The following GPC6 variants were observed in gnomAD, a reference collection of about 807,000 sequenced individuals.
GPC6 encodes glypican 6.
In GPC6, 14 loss-of-function variants were observed where a neutral mutation model predicts 55.2. The ratio of observed to expected loss-of-function variants is 0.25; its 90% confidence interval spans 0.17 to 0.40. GPC6 has a LOEUF of 0.40. GPC6 is among the 10% of genes least tolerant of loss of function. The probability of loss-of-function intolerance (pLI) is 1.00; values close to 1 mark genes in which losing one functional copy is unlikely to be tolerated. For missense variants in GPC6, 641 were observed against 708.5 expected (o/e 0.90, Z 1.08); for synonymous variants, 278 against 259.6 (o/e 1.07, Z -0.68).
At chr13:93,383,639 T>C (rs907593971) in intron 1 of GPC6, among the ~76,000 whole-genome samples, 2 of 152,198 alleles carry the variant, frequency 1.3e-5, no homozygotes, top group African/African-American at 4.8e-5. Context: ...TTTAAAGCTA[T>C]TTTTGGATAG....
chr13:94,279,604 A>G (rs1892313826), intron 4 of GPC6, among the ~76,000 whole-genome samples: 1 of 151,716 alleles, frequency 6.6e-6, no homozygotes, highest in Non-Finnish European at 1.5e-5. Context: ...CCCTCTTAAC[A>G]CTGCTTTAGG....
At chr13:93,632,125 T>C (rs1246307550) in intron 2 of GPC6, among the ~76,000 whole-genome samples, 1 of 152,192 alleles carries the variant, frequency 6.6e-6, no homozygotes, top group Non-Finnish European at 1.5e-5. Context: ...AAAGAAGGTA[T>C]TATAAAGTTT....
intron 3 of GPC6, among the ~76,000 whole-genome samples, chr13:93,881,660 A>G (rs1193335497): frequency 2.0e-5 from 3 of 152,080 alleles, no homozygotes; most frequent in Non-Finnish European, 2.9e-5. Context: ...TCACCCATGC[A>G]TATGTAATAC....
intron 1 of GPC6, among the ~76,000 whole-genome samples, chr13:93,461,737 G>A (rs1427700627): frequency 6.6e-6 from 1 of 152,024 alleles, no homozygotes; most frequent in African/African-American, 2.4e-5. Flanking sequence ...TTTGTTACCA[G>A]CCTATTGTTC....
At chr13:93,950,393 A>G (rs1223529146) in intron 3 of GPC6, among the ~76,000 whole-genome samples, 1 of 152,232 alleles carries the variant, frequency 6.6e-6, no homozygotes, top group Admixed American at 6.5e-5. Context: ...ATAAACAAGT[A>G]TAAAAGCTAA....
At chr13:93,688,452 G>A (rs539086226) in intron 2 of GPC6, among the ~76,000 whole-genome samples, 7 of 152,176 alleles carry the variant, frequency 4.6e-5, no homozygotes, top group South Asian at 4.1e-4. Flanking sequence ...AAAGCAGAGC[G>A]TTAGATATGT....
rs1402402524 is a variant in GPC6 at position 93,785,250 on chromosome 13, T to G, written c.320-44904T>G. ...TATCCAGACATGAGAGATAAGGGCCTATATTAAAGCAGAAGGAAAGAAATA... is the reference window on the plus strand; with the variant it reads ...TATCCAGACATGAGAGATAAGGGCCGATATTAAAGCAGAAGGAAAGAAATA... On this transcript the variant is annotated intron_variant, in intron 2 of 8. Transcript: ENST00000377047. 2.6e-5 allele frequency among the ~76,000 whole-genome samples: 4 copies of G among 152,174 alleles called. No individual in the cohort carries two copies. The East Asian group carries it at 7.7e-4, about 29-fold the overall frequency.
intron 1 of GPC6, among the ~76,000 whole-genome samples, chr13:93,306,956 A>G (rs933546660): frequency 6.6e-6 from 1 of 152,146 alleles, no homozygotes; most frequent in African/African-American, 2.4e-5. Flanking sequence ...AGTTTTTATA[A>G]TGGTGCTTAG....
chr13:94,129,480 A>G (rs513054), intron 4 of GPC6, among the ~76,000 whole-genome samples: 65,333 of 151,850 alleles, frequency 0.43, 15,534 homozygotes, highest in East Asian at 0.58. Flanking sequence ...TCCAGCAGTA[A>G]CAGCAGCAGT....
At chr13:94,103,242 T>C (rs542284820) in intron 4 of GPC6, among the ~76,000 whole-genome samples, 35 of 152,344 alleles carry the variant, frequency 2.3e-4, no homozygotes, top group African/African-American at 7.9e-4. Flanking sequence ...CTGCATAGTA[T>C]TCCATGGTGT....
intron 2 of GPC6, among the ~76,000 whole-genome samples, chr13:93,584,196 A>G (rs1244288324): frequency 1.3e-5 from 2 of 152,232 alleles, no homozygotes; most frequent in Non-Finnish European, 2.9e-5. Context: ...CATCGAAGAA[A>G]CATAGATCAA....
At chr13:93,576,166 T>C (rs1029575763) in intron 2 of GPC6, among the ~76,000 whole-genome samples, 1 of 151,844 alleles carries the variant, frequency 6.6e-6, no homozygotes, top group African/African-American at 2.4e-5. Context: ...TTTGTTGCTA[T>C]AGTGAGAGAA....
In GPC6 at chr13:93,227,031, TC is replaced by T. The variant is rs1875809720; in HGVS notation, c.-423del. ...ACTCGCTCTCGCTTGTCCATCTCCC[TC>T]CCGGGGGAGCCGGCGCGCGCTCCCA... On this transcript the variant is annotated 5_prime_UTR_variant, in exon 1 of 9. Transcript: ENST00000377047. The surrounding 1 kb of genome is among the most constrained non-coding windows in gnomAD (Gnocchi z 4.3). 1 of 160,450 alleles carries T rather than the reference TC, an allele frequency of 6.2e-6. No individual in the cohort carries two copies. The highest frequency in any genetic ancestry group is 6.3e-5 in the Admixed American group (1 of 15,946). 9.9% of individuals were successfully genotyped at this position (160,450 alleles called of 1,614,324 possible). A position where few individuals can be genotyped will look rare whatever the true frequency, so the allele number is the denominator to read the frequency against.
intron 1 of GPC6, among the ~76,000 whole-genome samples, chr13:93,509,473 A>G (rs934981471): frequency 2.6e-5 from 4 of 152,242 alleles, no homozygotes; most frequent in African/African-American, 9.6e-5. Context: ...TTAACTCAGC[A>G]CAGGGTCTGA....
intron 2 of GPC6, among the ~76,000 whole-genome samples, chr13:93,635,560 G>C (rs187705743): frequency 1.6e-4 from 24 of 152,208 alleles, no homozygotes; most frequent in African/African-American, 5.1e-4. Flanking sequence ...GAGTGGTTTT[G>C]GTTCTGTTGT....
chr13:93,914,116 G>A (rs532688979), intron 3 of GPC6, among the ~76,000 whole-genome samples: 1 of 152,168 alleles, frequency 6.6e-6, no homozygotes, highest in African/African-American at 2.4e-5. Flanking sequence ...TGCACAACGT[G>A]CAGGTTAGTT....
chr13:94,053,566 C>T (rs1471528178), intron 4 of GPC6, among the ~76,000 whole-genome samples: 1 of 152,048 alleles, frequency 6.6e-6, no homozygotes, highest in Non-Finnish European at 1.5e-5. Flanking sequence ...AATCTGACCC[C>T]CTGTCCGATT....
At chr13:93,989,996 A>G (rs1320599333) in intron 3 of GPC6, among the ~76,000 whole-genome samples, 4 of 150,836 alleles carry the variant, frequency 2.7e-5, no homozygotes, top group Non-Finnish European at 5.9e-5. Flanking sequence ...AAGTACAGGT[A>G]TAAATAAATG....
At chr13:93,630,657 AAG>A (rs1456963341) in intron 2 of GPC6, among the ~76,000 whole-genome samples, 4 of 152,308 alleles carry the variant, frequency 2.6e-5, no homozygotes, top group African/African-American at 9.6e-5. Flanking sequence ...TATAATTAGA[AAG>A]AGTATTTTCT....
Sources: gnomAD v4.1 joint callset for allele counts (sites outside exome capture counted in the v4.1 genomes callset) on GRCh38, gnomAD v4.1.1 for gene constraint, Gnocchi (gnomAD v3.1) non-coding constraint, MANE v1.5 for transcripts, NCBI Gene and HGNC (gene_info 2026-07-23, HGNC 2026-07-21) for gene names.